The following SSBP2 variants were observed in gnomAD, a reference collection of about 807,000 sequenced individuals.
SSBP2 encodes the protein single stranded DNA binding protein 2, also known as single-stranded DNA-binding protein 2.
Under a neutral mutation model 61.8 loss-of-function variants are expected in SSBP2, and 17 were observed. The ratio of observed to expected loss-of-function variants is 0.28; its 90% CI spans 0.19 to 0.41. The LOEUF (loss-of-function observed/expected upper bound fraction) is 0.41, where lower values mean the gene tolerates loss of function less well. Ranked by LOEUF, SSBP2 falls within the 10% of genes least tolerant of loss-of-function variation. The pLI is 1.00. For synonymous variants in SSBP2, 139 were observed against 141.3 expected, an observed-to-expected ratio of 0.98 and a Z score of 0.12; for missense variants, 310 against 458.7, an observed-to-expected ratio of 0.68 and a Z score of 2.96.
chr5:81,539,968 C>G (rs1262463701), intron 4 of SSBP2, among the ~76,000 whole-genome samples: 1 of 152,146 alleles, frequency 6.6e-6, no homozygotes, highest in Non-Finnish European at 1.5e-5. Flanking sequence ...GTTCAACTCT[C>G]ACTTATGAGT....
intron 6 of SSBP2, among the ~76,000 whole-genome samples, chr5:81,477,860 C>T (rs368904977): frequency 2.4e-4 from 37 of 152,148 alleles, no homozygotes; most frequent in African/African-American, 8.9e-4. Context: ...TTTTAGGAAT[C>T]ATTAGTGATA....
intron 12 of SSBP2, among the ~76,000 whole-genome samples, chr5:81,446,414 T>C (rs1763404059): frequency 6.6e-6 from 1 of 152,228 alleles, no homozygotes; most frequent in Non-Finnish European, 1.5e-5. Context: ...TAAATACTTA[T>C]AGACATGTAG....
At chr5:81,453,200 A>C (rs910403842) in intron 10 of SSBP2, among the ~76,000 whole-genome samples, 4 of 152,008 alleles carry the variant, frequency 2.6e-5, no homozygotes, top group Non-Finnish European at 5.9e-5. Context: ...CAGGAGGCTG[A>C]GGTGGGAGGA....
intron 5 of SSBP2, among the ~76,000 whole-genome samples, chr5:81,508,789 G>A (rs930215973): frequency 3.9e-5 from 6 of 152,078 alleles, no homozygotes; most frequent in Non-Finnish European, 7.4e-5. Context: ...GTCTATTTAG[G>A]AGAAATGTTT....
intron 2 of SSBP2, among the ~76,000 whole-genome samples, chr5:81,649,763 T>C (rs1044658897): frequency 1.3e-4 from 20 of 150,848 alleles, no homozygotes; most frequent in African/African-American, 4.9e-4. Context: ...TACCTCCTTA[T>C]CTAAAATAAA....
chr5:81,584,285 A>G (rs186282577), intron 4 of SSBP2, among the ~76,000 whole-genome samples: 1 of 152,316 alleles, frequency 6.6e-6, no homozygotes, highest in Non-Finnish European at 1.5e-5. Context: ...AGTAATACGC[A>G]TTATATTTGA....
rs2153878159 is a variant in SSBP2, at chr5:81,418,926, T to C, written c.*1578A>G. ...ATTCCTCTTACCTGCAATTAAACAA[T>C]GCTTTTCAAAGTCTCTAGAGTTTGG... On this transcript the variant is annotated 3_prime_UTR_variant, in exon 17 of 17. Transcript: ENST00000320672. 1 of 152,344 alleles carries C rather than the reference T, an allele frequency of 6.6e-6. No individual in the cohort carries two copies. The highest frequency in any genetic ancestry group is 1.9e-4 in the East Asian group (1 of 5,192). The allele number at this position is 152,344 out of a possible 1,614,324, so 9.4% of individuals were successfully genotyped here. A position where few individuals can be genotyped will look rare whatever the true frequency, so the allele number is the denominator to read the frequency against.
At chr5:81,518,310 A>T (rs913367641) in intron 4 of SSBP2, among the ~76,000 whole-genome samples, 2 of 152,118 alleles carry the variant, frequency 1.3e-5, no homozygotes, top group African/African-American at 4.8e-5. Context: ...ATGCTATGGT[A>T]CGAATGTGTC....
chr5:81,423,408 T>C (rs1761735671), intron 16 of SSBP2, among the ~76,000 whole-genome samples: 1 of 152,212 alleles, frequency 6.6e-6, no homozygotes, highest in Admixed American at 6.5e-5. Flanking sequence ...CAGTAAAAGA[T>C]ACTAAGCATT....
At chr5:81,599,729 G>GT (rs1456758608) in intron 4 of SSBP2, among the ~76,000 whole-genome samples, 2 of 152,160 alleles carry the variant, frequency 1.3e-5, no homozygotes, top group African/African-American at 4.8e-5. Context: ...CATTAAATAT[G>GT]TATCGAGGGC....
At chr5:81,528,436 C>T (rs925422593) in intron 4 of SSBP2, among the ~76,000 whole-genome samples, 12 of 151,932 alleles carry the variant, frequency 7.9e-5, no homozygotes, top group South Asian at 4.1e-4. Flanking sequence ...ATTACACAAC[C>T]TTTATGTTAA....
chr5:81,456,431 C>T (rs541606880), intron 10 of SSBP2, among the ~76,000 whole-genome samples: 1 of 149,678 alleles, frequency 6.7e-6, no homozygotes, highest in African/African-American at 2.4e-5. Flanking sequence ...TGCTCAAAAC[C>T]AAAAATATAT....
intron 10 of SSBP2, among the ~76,000 whole-genome samples, chr5:81,456,955 G>T (rs1187802845): frequency 6.6e-6 from 1 of 152,218 alleles, no homozygotes; most frequent in Non-Finnish European, 1.5e-5. Context: ...TGAAATGGAA[G>T]CATCAGTGTG....
chr5:81,697,110 A>G (rs1753653946), intron 1 of SSBP2, among the ~76,000 whole-genome samples: 1 of 152,246 alleles, frequency 6.6e-6, no homozygotes, highest in African/African-American at 2.4e-5. Context: ...AAATAATTTT[A>G]ATTTATCAAA....
At chr5:81,706,421 C>T (rs925775790) in intron 1 of SSBP2, among the ~76,000 whole-genome samples, 2 of 152,146 alleles carry the variant, frequency 1.3e-5, no homozygotes, top group Non-Finnish European at 2.9e-5. Context: ...TTGCCCAAAC[C>T]TCAGCATCAC....
chr5:81,699,186 G>A (rs1035866254), intron 1 of SSBP2, among the ~76,000 whole-genome samples: 1 of 152,242 alleles, frequency 6.6e-6, no homozygotes, highest in South Asian at 2.1e-4. Context: ...CTTAGCTGGT[G>A]TAGGGTATTG....
intron 4 of SSBP2, among the ~76,000 whole-genome samples, chr5:81,545,025 T>A (rs910017003): frequency 2.0e-5 from 3 of 152,220 alleles, no homozygotes; most frequent in African/African-American, 7.2e-5. Context: ...TCTCACTGAC[T>A]GTACAAAGTA....
chr5:81,658,128 TCAC>T lies in SSBP2; in HGVS notation c.63-7792_63-7790del, dbSNP rs199946024. On this transcript the variant is annotated intron_variant, in intron 1 of 16. Coordinates refer to ENST00000320672, the MANE Select transcript of SSBP2 (RefSeq NM_012446.5). The stretch of plus-strand genomic sequence containing the variant: ...ACATTGTTATTAATAACAACTATAG[TCAC>T]CACATTACCACATTGTACAATAGAT... 3.1e-3 allele frequency among the ~76,000 whole-genome samples: 474 copies of T among 152,284 alleles called. 15 individuals are homozygous for T. Among genetic ancestry groups the T allele is most frequent in the Admixed American group, 0.028 (435 of 15,282 alleles).
intron 4 of SSBP2, among the ~76,000 whole-genome samples, chr5:81,541,180 A>G (rs1465013310): frequency 6.6e-6 from 1 of 152,152 alleles, no homozygotes; most frequent in Admixed American, 6.5e-5. Context: ...GCCACAGGAA[A>G]AAAATAAAAT....
Sources: allele counts gnomAD v4.1 joint callset (sites outside exome capture counted in the v4.1 genomes callset), GRCh38; gene constraint gnomAD v4.1.1; transcripts MANE v1.5; gene names NCBI Gene and HGNC (gene_info 2026-07-23, HGNC 2026-07-21).